Variants in TUNAR observed in about 807,000 individuals in gnomAD.
TUNAR encodes protein TUNAR.
At chr14:95,902,176 A>G (rs970098251) in intron 2 of TUNAR, among the ~76,000 whole-genome samples, 21 of 152,118 alleles carry the variant, frequency 1.4e-4, no homozygotes, top group African/African-American at 4.8e-4. Flanking sequence ...CCAGTGTAGC[A>G]CCTTATAGCA....
chr14:95,903,136 G>A (rs1176214772), intron 2 of TUNAR, among the ~76,000 whole-genome samples: 1 of 152,192 alleles, frequency 6.6e-6, no homozygotes, highest in African/African-American at 2.4e-5. Flanking sequence ...TGGCCTTGGC[G>A]AACATGAGAG....
At chr14:95,881,006 A>G (rs1181952478) in intron 2 of TUNAR, among the ~76,000 whole-genome samples, 1 of 152,184 alleles carries the variant, frequency 6.6e-6, no homozygotes, top group African/African-American at 2.4e-5. Context: ...AATGTTTTAA[A>G]TGGACTCTGC....
intron 2 of TUNAR, among the ~76,000 whole-genome samples, chr14:95,908,691 C>T (rs1566790383): frequency 6.6e-6 from 1 of 152,176 alleles, no homozygotes; most frequent in African/African-American, 2.4e-5. Context: ...CAGATTATGG[C>T]CTTCTTCCCC....
exon 3 of TUNAR, chr14:95,922,921 G>C: frequency 2.5e-6 from 1 of 399,070 alleles, no homozygotes. Context: ...GGACCATTCT[G>C]AACCTGATTG....
In TUNAR at chr14:95,883,937, G is replaced by T. The variant is rs550841034; in HGVS notation, c.12+6760G>T. Among the ~76,000 whole-genome samples the T allele has an allele frequency of 3.9e-5, 6 of 152,180 alleles. No individual in the cohort carries two copies. The East Asian group carries it at 1.2e-3, about 29-fold the overall frequency. ...TATATTTTTAACATGCTTCCAGGTC[G>T]CTCTCACCTTGAGCACAGTGGTGTT... On this transcript the variant is annotated intron_variant, in intron 2 of 2. Coordinates refer to ENST00000678517, the Ensembl canonical transcript of TUNAR.
intron 2 of TUNAR, among the ~76,000 whole-genome samples, chr14:95,887,399 G>A (rs537744073): frequency 2.0e-5 from 3 of 152,284 alleles, no homozygotes; most frequent in Admixed American, 1.3e-4. Flanking sequence ...GCAGCCTGGT[G>A]CTCCTGACTG....
chr14:95,924,886 T>A (rs893413832), exon 3 of TUNAR: 1 of 152,220 alleles, frequency 6.6e-6, no homozygotes, highest in Admixed American at 6.5e-5. Context: ...GCTTCTATAG[T>A]CTATGCCTGC....
intron 2 of TUNAR, among the ~76,000 whole-genome samples, chr14:95,882,459 A>G (rs1888995364): frequency 6.6e-6 from 1 of 151,636 alleles, no homozygotes; most frequent in Admixed American, 6.6e-5. Context: ...TCACTAAGAA[A>G]TTTAGCTGTG....
At chr14:95,922,902 G>A (rs1303959332) in exon 3 of TUNAR, 1 of 398,872 alleles carries the variant, frequency 2.5e-6, no homozygotes, top group African/African-American at 2.1e-5. Context: ...GCAATGCTGG[G>A]GATTATCGGG....
exon 3 of TUNAR, chr14:95,924,944 A>G (rs1835845788): frequency 6.6e-6 from 1 of 152,214 alleles, no homozygotes; most frequent in African/African-American, 2.4e-5. Flanking sequence ...CCACCATTAG[A>G]GAGTCATTTC....
chr14:95,906,590 G>A (rs932318020), intron 2 of TUNAR, among the ~76,000 whole-genome samples: 2 of 152,152 alleles, frequency 1.3e-5, no homozygotes, highest in African/African-American at 4.8e-5. Flanking sequence ...TTTGTCCTCA[G>A]CCTTATGCTA....
intron 2 of TUNAR, among the ~76,000 whole-genome samples, chr14:95,922,145 A>G (rs916705925): frequency 6.6e-6 from 1 of 152,146 alleles, no homozygotes; most frequent in Non-Finnish European, 1.5e-5. Flanking sequence ...TCACTTTTCT[A>G]GCTAATGCCT....
intron 2 of TUNAR, among the ~76,000 whole-genome samples, chr14:95,922,534 G>A (rs189290781): frequency 2.6e-5 from 4 of 152,338 alleles, no homozygotes; most frequent in Admixed American, 2.6e-4. Flanking sequence ...GGTGATGCCC[G>A]GGTAGACTTC....
chr14:95,922,881 A>C (rs916105403), exon 3 of TUNAR: 8 of 398,986 alleles, frequency 2.0e-5, no homozygotes, highest in Non-Finnish European at 3.5e-5. Flanking sequence ...AGTAAAGAGG[A>C]GAGTGTCTTG....
intron 2 of TUNAR, among the ~76,000 whole-genome samples, chr14:95,893,596 C>T (rs1018545197): frequency 4.6e-5 from 7 of 151,922 alleles, no homozygotes; most frequent in Admixed American, 6.6e-5. Context: ...CATCAAGCAG[C>T]CAGCAGAGTG....
chr14:95,884,629 C>G (rs796690263), intron 2 of TUNAR, among the ~76,000 whole-genome samples: 5 of 152,312 alleles, frequency 3.3e-5, no homozygotes, highest in African/African-American at 1.2e-4. Flanking sequence ...CAAAGTGGCT[C>G]TAGAACTTTT....
intron 2 of TUNAR, among the ~76,000 whole-genome samples, chr14:95,920,119 C>T (rs1473204700): frequency 6.6e-6 from 1 of 152,158 alleles, no homozygotes; most frequent in African/African-American, 2.4e-5. Context: ...ACGACGTGAG[C>T]AAATCTCACA....
chr14:95,892,297 C>A (rs1433380986), intron 2 of TUNAR, among the ~76,000 whole-genome samples: 1 of 152,258 alleles, frequency 6.6e-6, no homozygotes, highest in Non-Finnish European at 1.5e-5. Flanking sequence ...TCATGAGTCC[C>A]TCTGCCAGGA....
At chr14:95,909,597 A>G (rs973694569) in intron 2 of TUNAR, among the ~76,000 whole-genome samples, 3 of 152,070 alleles carry the variant, frequency 2.0e-5, no homozygotes, top group Non-Finnish European at 4.4e-5. Context: ...CCATCTCTTT[A>G]TAGGGAAATC....
Sources: allele counts gnomAD v4.1 joint callset (sites outside exome capture counted in the v4.1 genomes callset), GRCh38; gene constraint gnomAD v4.1.1; transcripts MANE v1.5; gene names NCBI Gene and HGNC (gene_info 2026-07-23, HGNC 2026-07-21).